PSEN1: variants seen among roughly 807,000 people sequenced by gnomAD.
PSEN1 encodes the protein presenilin-1.
A neutral mutation model predicts 53.5 loss-of-function variants in PSEN1; 15 were observed. That is an observed-to-expected ratio of 0.28 (90% CI 0.19 to 0.43). PSEN1 has a LOEUF of 0.43. Among genes scored for constraint, PSEN1 ranks in the 20% least tolerant of loss-of-function variants. PSEN1 has a pLI of 1.00. For synonymous variants in PSEN1, 208 were observed against 209.8 expected (o/e 0.99, Z 0.08); for missense variants, 387 against 571.2 (o/e 0.68, Z 3.29).
At chr14:73,151,312 TA>T (rs1897216890) in intron 3 of PSEN1, among the ~76,000 whole-genome samples, 1 of 152,210 alleles carries the variant, frequency 6.6e-6, no homozygotes, top group African/African-American at 2.4e-5. Context: ...AGTGACATAC[TA>T]ATTCATTAGT....
rs530034503 is a variant in PSEN1, at chr14:73,193,071, G to T, written c.769+207G>T. The stretch of plus-strand genomic sequence containing the variant: ...CATGCCTGTAATCTTAGCACTTTGG[G>T]AGGCTGAGGCGGGCAGATCACCTAA... On this transcript the variant is annotated intron_variant, in intron 7 of 11. Transcript: ENST00000324501. Among the ~76,000 whole-genome samples, 197 of 152,228 alleles carry T rather than the reference G, an allele frequency of 1.3e-3. 2 individuals carry two copies. Among genetic ancestry groups the T allele is most frequent in the African/African-American group, 4.6e-3 (191 of 41,528 alleles).
intron 5 of PSEN1, among the ~76,000 whole-genome samples, chr14:73,176,397 CTGTT>C (rs1361773639): frequency 1.3e-5 from 2 of 152,116 alleles, no homozygotes; most frequent in Admixed American, 1.3e-4. Context: ...TTTTGTTCTT[CTGTT>C]TATTTCTCAG....
chr14:73,168,446 GAATACAAGCAGCTGATTGTCGGA>G (rs1409657569), intron 3 of PSEN1: 4 of 152,166 alleles, frequency 2.6e-5, no homozygotes, highest in Non-Finnish European at 4.4e-5. Context: ...TGTGTGTTGG[GAATACAAGCAGCTGATTGTCGGA>G]AATACAAGCC....
chr14:73,203,886 A>T (rs923740628), intron 8 of PSEN1, among the ~76,000 whole-genome samples: 1 of 152,250 alleles, frequency 6.6e-6, no homozygotes, highest in South Asian at 2.1e-4. Context: ...TTTTCCAGCC[A>T]GGCATGACTA....
Position 73,222,419 on chromosome 14 carries a change from C to T in PSEN1, c.*3130C>T, listed in dbSNP as rs550055242. On this transcript the variant is annotated 3_prime_UTR_variant, in exon 12 of 12. Transcript: ENST00000324501. ...TGGCCTCAGACAGTGTATGTATTCT[C>T]GATATAACTTGTAGAGTGTGAAATA... The T allele has an allele frequency of 2.2e-4, 33 of 152,108 alleles. No homozygotes were observed. The highest frequency in any genetic ancestry group is 3.4e-4 in the Non-Finnish European group (23 of 68,032). 9.4% of individuals were successfully genotyped at this position (152,108 alleles called of 1,614,324 possible).
In PSEN1 at chr14:73,211,919, T is replaced by C. The variant is rs1899704247; in HGVS notation, c.1106T>C (p.Leu369Pro). Residue 369 changes from leucine to proline, a missense_variant, in exon 10 of 12, where the codon CTC becomes CCC. Leu to Pro is a moderately conservative substitution (Grantham distance 98). Around this residue, in one of 4 missense-constraint regions of PSEN1, gnomAD observed 75 missense variants for 63.7 expected, o/e 1.18. Coordinates refer to ENST00000324501, the MANE Select transcript of PSEN1 (RefSeq NM_000021.4). ...GTCCAGGAACTTTCCAGCAGTATCC[T>C]CGCTGGTGAAGACCCAGAGGAAAGT... ...AAVQELSSSILAGEDPEERGV... is the reference protein window; with the variant it reads ...AAVQELSSSIPAGEDPEERGV... 6.2e-7 allele frequency: 1 copy of C among 1,613,884 alleles called. No homozygotes were observed. Among genetic ancestry groups the C allele is most frequent in the African/African-American group, 1.3e-5 (1 of 74,974 alleles).
intron 3 of PSEN1, among the ~76,000 whole-genome samples, chr14:73,160,969 C>CTTTTTT (rs552718246): frequency 3.3e-5 from 3 of 91,654 alleles, no homozygotes; most frequent in Non-Finnish European, 4.6e-5. Context: ...ATATGATTTG[C>CTTTTTT]TTTTTTTTTT....
chr14:73,162,854 G>A (rs973150820), intron 3 of PSEN1, among the ~76,000 whole-genome samples: 3 of 152,196 alleles, frequency 2.0e-5, no homozygotes, highest in Non-Finnish European at 4.4e-5. Context: ...CCAAATAACA[G>A]TAGTAAGCAG....
intron 7 of PSEN1, among the ~76,000 whole-genome samples, chr14:73,194,708 A>G (rs1898869744): frequency 6.6e-6 from 1 of 151,816 alleles, no homozygotes; most frequent in Non-Finnish European, 1.5e-5. Context: ...AGCTGGGACT[A>G]CAGGCATCTG....
intron 3 of PSEN1, among the ~76,000 whole-genome samples, chr14:73,149,698 C>A (rs1055451428): frequency 5.9e-5 from 9 of 152,112 alleles, no homozygotes; most frequent in African/African-American, 2.2e-4. Flanking sequence ...CAGTCCTGAG[C>A]AGTAGGATCA....
intron 3 of PSEN1, among the ~76,000 whole-genome samples, chr14:73,157,089 C>T (rs1897379167): frequency 6.6e-6 from 1 of 151,798 alleles, no homozygotes; most frequent in South Asian, 2.1e-4. Context: ...TCATTTGACA[C>T]TTTTCAAAGC....
At chr14:73,206,145 T>A in intron 8 of PSEN1, 1 of 511,366 alleles carries the variant, frequency 2.0e-6, no homozygotes, top group Non-Finnish European at 3.5e-6. Flanking sequence ...CTAAAAATGA[T>A]GAAGAGTTTT....
chr14:73,185,267 G>T (rs76177871), intron 5 of PSEN1, among the ~76,000 whole-genome samples: 1 of 152,174 alleles, frequency 6.6e-6, no homozygotes, highest in South Asian at 2.1e-4. Flanking sequence ...CTGGGAGGTG[G>T]AGGTTGTAGC....
chr14:73,206,208 C>G, intron 8 of PSEN1, 178 bp from the exon 9 acceptor site: 1 of 628,462 alleles, frequency 1.6e-6, no homozygotes, highest in East Asian at 2.8e-5. Flanking sequence ...TTCAGAACTT[C>G]TTCTCTTACC....
At chr14:73,181,549 A>G (rs990631926) in intron 5 of PSEN1, among the ~76,000 whole-genome samples, 3 of 152,216 alleles carry the variant, frequency 2.0e-5, no homozygotes, top group African/African-American at 7.2e-5. Flanking sequence ...GCTTGAGCCC[A>G]GGTTTTCCAG....
At position 73,219,499 on chromosome 14, in the gene PSEN1, C is replaced by T. The variant is rs1900063312; in HGVS notation, c.*210C>T. The T allele has an allele frequency of 1.7e-6, 1 of 587,086 alleles. No homozygotes were observed. The highest frequency in any genetic ancestry group is 1.9e-5 in the South Asian group (1 of 52,566). 36.4% of individuals were successfully genotyped at this position (587,086 alleles called of 1,614,324 possible). The stretch of plus-strand genomic sequence containing the variant: ...GAAAACGATTTTGAACATACTTCAT[C>T]GCAGTGGACTGTGTCCCTCGGTGCA... On this transcript the variant is annotated 3_prime_UTR_variant, in exon 12 of 12. Coordinates refer to ENST00000324501, the MANE Select transcript of PSEN1 (RefSeq NM_000021.4).
At chr14:73,186,211 C>G (rs1270833474) in intron 5 of PSEN1, among the ~76,000 whole-genome samples, 1 of 152,084 alleles carries the variant, frequency 6.6e-6, no homozygotes, top group East Asian at 1.9e-4. Context: ...GAAACTGTGT[C>G]TCTACTAAAA....
rs58637970 is a variant in PSEN1 at position 73,218,086 on chromosome 14, C to CTTT, written c.1248+862_1248+864dup. Among the ~76,000 whole-genome samples, 707 of 97,866 alleles carry CTTT rather than the reference C, an allele frequency of 7.2e-3. 21 individuals carry two copies. Among genetic ancestry groups the CTTT allele is most frequent in the African/African-American group, 0.028 (630 of 22,610 alleles). 64.2% of individuals were successfully genotyped at this position (97,866 alleles called of 152,430 possible). On this transcript the variant is annotated intron_variant, in intron 11 of 11. Transcript: ENST00000324501. Reference sequence around the variant, plus strand: ...TACAGGCGTGAGCCACCGCACCTGGCTTTTTTTTTTTTTTTTTTTTTTGGA... The same window carrying CTTT: ...TACAGGCGTGAGCCACCGCACCTGGCTTTTTTTTTTTTTTTTTTTTTTTTTGGA...
At chr14:73,213,291 T>A (rs1899776054) in intron 10 of PSEN1, among the ~76,000 whole-genome samples, 1 of 152,184 alleles carries the variant, frequency 6.6e-6, no homozygotes, top group Admixed American at 6.6e-5. Flanking sequence ...CCAGAGGAAA[T>A]AACATAATAG....
Sources: gnomAD v4.1 joint callset for allele counts (sites outside exome capture counted in the v4.1 genomes callset) on GRCh38, gnomAD v4.1.1 for gene constraint, gnomAD v4.1.1 regional missense constraint, MANE v1.5 for transcripts, NCBI Gene and HGNC (gene_info 2026-07-23, HGNC 2026-07-21) for gene names.